Variants in RBFOX1 observed in about 807,000 individuals in gnomAD.
RBFOX1 encodes the protein RNA binding fox-1 homolog 1.
RBFOX1 carries 8 observed loss-of-function variants against 57.7 expected under a neutral mutation model. The observed-to-expected ratio is 0.14, with a 90% CI of 0.08 to 0.25. RBFOX1 has a LOEUF of 0.25. Among genes scored for constraint, RBFOX1 ranks in the 10% least tolerant of loss-of-function variants. The pLI, the probability that RBFOX1 is intolerant of heterozygous loss-of-function variation, is 1.00. For missense variants in RBFOX1, 611 were observed against 548.5 expected, an observed-to-expected ratio of 1.11 and a Z score of -1.14; for synonymous variants, 326 against 222.4, an observed-to-expected ratio of 1.47 and a Z score of -4.15.
intron 4 of RBFOX1, among the ~76,000 whole-genome samples, chr16:7,310,498 T>C (rs1219395767): frequency 6.6e-6 from 1 of 152,054 alleles, no homozygotes; most frequent in African/African-American, 2.4e-5. Flanking sequence ...GCACCCAGAG[T>C]CCTGTTGGTA....
At chr16:5,624,234 G>T (rs558153277) in intron 3 of RBFOX1, among the ~76,000 whole-genome samples, 1 of 152,230 alleles carries the variant, frequency 6.6e-6, no homozygotes, top group East Asian at 1.9e-4. Context: ...TCGCTCTGTC[G>T]CCCAGGCTAG....
chr16:5,524,883 G>C (rs1326504699), intron 2 of RBFOX1, among the ~76,000 whole-genome samples: 3 of 152,006 alleles, frequency 2.0e-5, no homozygotes, highest in Non-Finnish European at 4.4e-5. Flanking sequence ...TACTTACTCA[G>C]GGGAGCCTTC....
rs200195710 is a variant in RBFOX1 at position 5,667,679 on chromosome 16, AT to A, written c.318+68721del. On this transcript the variant is annotated intron_variant, in intron 3 of 19. Coordinates refer to the RBFOX1 transcript ENST00000641259. The stretch of plus-strand genomic sequence containing the variant: ...CTGATTGATCTCTGGATATCTTTTC[AT>A]TTATCCTTTCTAGTTGGTGTTTCTG... Among the ~76,000 whole-genome samples the A allele has an allele frequency of 7.2e-3, 1,095 of 152,220 alleles. 10 individuals carry two copies. Among genetic ancestry groups the A allele is most frequent in the African/African-American group, 0.025 (1,029 of 41,538 alleles).
chr16:7,653,740 G>T, intron 11 of RBFOX1, 75 bp from the exon 12 acceptor site: 2 of 1,589,822 alleles, frequency 1.3e-6, no homozygotes, highest in South Asian at 1.1e-5. Flanking sequence ...AAGGGTTCCC[G>T]GGGCAGTTCC....
chr16:6,022,106 G>T (rs894199456), intron 1 of RBFOX1, among the ~76,000 whole-genome samples: 1 of 152,090 alleles, frequency 6.6e-6, no homozygotes, highest in African/African-American at 2.4e-5. Context: ...CCACCCACTG[G>T]CCAAGATATA....
At chr16:7,649,945 G>A (rs1470886138) in intron 11 of RBFOX1, among the ~76,000 whole-genome samples, 2 of 151,092 alleles carry the variant, frequency 1.3e-5, no homozygotes, top group African/African-American at 4.9e-5. Flanking sequence ...ATAAAGAAAT[G>A]AAGGGAGAGG....
intron 3 of RBFOX1, among the ~76,000 whole-genome samples, chr16:7,002,700 G>T (rs955668134): frequency 6.6e-6 from 1 of 152,132 alleles, no homozygotes; most frequent in South Asian, 2.1e-4. Flanking sequence ...GATAGAGTGA[G>T]GGTCCAACTC....
intron 1 of RBFOX1, among the ~76,000 whole-genome samples, chr16:6,024,561 T>A (rs1007630378): frequency 6.6e-6 from 1 of 152,188 alleles, no homozygotes; most frequent in African/African-American, 2.4e-5. Context: ...TGATCTCATC[T>A]CACTGCCACC....
chr16:7,074,626 G>T (rs2057973433), intron 4 of RBFOX1, among the ~76,000 whole-genome samples: 1 of 152,162 alleles, frequency 6.6e-6, no homozygotes, highest in Non-Finnish European at 1.5e-5. Flanking sequence ...TCTGAATGGA[G>T]AGAAGAGACA....
At chr16:6,916,890 C>G (rs958548068) in intron 3 of RBFOX1, among the ~76,000 whole-genome samples, 4 of 151,996 alleles carry the variant, frequency 2.6e-5, no homozygotes, top group African/African-American at 9.7e-5. Flanking sequence ...CTCTCTGTTG[C>G]CCAGGCTAGA....
chr16:7,196,364 C>A (rs896198663), intron 4 of RBFOX1, among the ~76,000 whole-genome samples: 1 of 152,154 alleles, frequency 6.6e-6, no homozygotes, highest in Non-Finnish European at 1.5e-5. Flanking sequence ...CCCTGCTTCA[C>A]TCCCCCTCTC....
intron 5 of RBFOX1, among the ~76,000 whole-genome samples, chr16:7,560,240 C>A (rs2089991057): frequency 6.6e-6 from 1 of 152,170 alleles, no homozygotes; most frequent in African/African-American, 2.4e-5. Context: ...TGTCAAGAAC[C>A]CCCTATGGGG....
rs532746223 is a variant in RBFOX1, at chr16:6,627,078, C to A, written c.-63-27525C>A. On this transcript the variant is annotated intron_variant, in intron 2 of 15. Coordinates refer to ENST00000550418, the MANE Select transcript of RBFOX1 (RefSeq NM_018723.4). ...CAGGGTTCTAGTCCTGGCGGTCTGG[C>A]TCTAAAATCCATGGCCGCTGAACAC... is the stretch of plus-strand genomic sequence containing the variant. Among the ~76,000 whole-genome samples the A allele has an allele frequency of 9.8e-5, 15 of 152,352 alleles. No homozygotes were observed. The South Asian group carries it at 3.1e-3, about 32-fold the overall frequency.
At chr16:6,243,678 C>T (rs1429071022) in intron 1 of RBFOX1, among the ~76,000 whole-genome samples, 2 of 152,336 alleles carry the variant, frequency 1.3e-5, no homozygotes, top group East Asian at 1.9e-4. Flanking sequence ...AACCCCTGAC[C>T]TCAGTGCATG....
chr16:5,854,235 C>G (rs151049024), intron 3 of RBFOX1, among the ~76,000 whole-genome samples: 10 of 152,160 alleles, frequency 6.6e-5, no homozygotes, highest in African/African-American at 2.4e-4. Context: ...GTATATAGTA[C>G]AGTATTGTTC....
At chr16:7,379,029 C>T (rs1007053273) in intron 4 of RBFOX1, among the ~76,000 whole-genome samples, 3 of 152,214 alleles carry the variant, frequency 2.0e-5, no homozygotes, top group African/African-American at 7.2e-5. Flanking sequence ...GTTACTTTAT[C>T]TATGACCTGG....
intron 3 of RBFOX1, among the ~76,000 whole-genome samples, chr16:6,945,424 C>A (rs1326899758): frequency 6.6e-6 from 1 of 152,018 alleles, no homozygotes; most frequent in African/African-American, 2.4e-5. Flanking sequence ...AATGTAGATC[C>A]AATGGTGCCA....
intron 3 of RBFOX1, among the ~76,000 whole-genome samples, chr16:6,655,004 T>C (rs1020602998): frequency 1.3e-4 from 20 of 150,326 alleles, no homozygotes; most frequent in African/African-American, 4.9e-4. Flanking sequence ...ATTAATTATA[T>C]TATTACTTAC....
intron 3 of RBFOX1, among the ~76,000 whole-genome samples, chr16:6,846,755 A>G (rs989747941): frequency 9.2e-5 from 14 of 152,090 alleles, no homozygotes; most frequent in Admixed American, 5.2e-4. Flanking sequence ...AAATTAGGTC[A>G]TTTGTCTTTG....
Sources: allele counts gnomAD v4.1 joint callset (sites outside exome capture counted in the v4.1 genomes callset), GRCh38; gene constraint gnomAD v4.1.1; transcripts MANE v1.5; gene names NCBI Gene and HGNC (gene_info 2026-07-23, HGNC 2026-07-21).